The following PHACTR3 variants were observed in gnomAD, a reference collection of about 807,000 sequenced individuals.
PHACTR3 encodes the protein protein phosphatase 1, regulatory subunit 123.
PHACTR3 carries 16 observed loss-of-function variants against 66.8 expected under a neutral mutation model. The ratio of observed to expected loss-of-function variants is 0.24; its 90% CI spans 0.16 to 0.36. PHACTR3 has a LOEUF of 0.36. Among genes scored for constraint, PHACTR3 ranks in the 10% least tolerant of loss-of-function variants. PHACTR3 has a pLI of 1.00. For missense variants in PHACTR3, 647 were observed against 719.9 expected (o/e 0.90, Z 1.16); for synonymous variants, 323 against 292.1 (o/e 1.11, Z -1.08).
At chr20:59,760,233 C>T (rs1246059922) in intron 4 of PHACTR3, among the ~76,000 whole-genome samples, 4 of 152,164 alleles carry the variant, frequency 2.6e-5, no homozygotes, top group Non-Finnish European at 4.4e-5. Flanking sequence ...AGGAGGAGGA[C>T]ACTGTCAATG....
Position 59,841,573 on chromosome 20 carries a change from A to T in PHACTR3, c.1587+38A>T, listed in dbSNP as rs375564655. On this transcript the variant is annotated intron_variant, in intron 11 of 12. Transcript: ENST00000371015. ...CTGTGCTGGTGGGGGGTGTTGGATGATATAATAAAGGCAAAATATGTCATG... is the reference window on the plus strand; with the variant it reads ...CTGTGCTGGTGGGGGGTGTTGGATGTTATAATAAAGGCAAAATATGTCATG... 2,165 of 1,583,840 alleles carry T rather than the reference A, an allele frequency of 1.4e-3. 51 individuals carry two copies. In the South Asian group the frequency reaches 0.024, roughly 17 times the overall value.
rs915227407 is a variant in PHACTR3 at position 59,623,490 on chromosome 20, G to A, written c.118+18358G>A. Among the ~76,000 whole-genome samples the A allele has an allele frequency of 5.3e-5, 8 of 152,304 alleles. No individual in the cohort carries two copies. In the East Asian group the frequency reaches 5.8e-4, roughly 11 times the overall value. ...GCTGTGCACCCGTCTCTCGTCCCAC[G>A]ACAGCTGCTGATGGCTTTCTTGTGT... On this transcript the variant is annotated intron_variant, in intron 1 of 12. Coordinates refer to ENST00000371015, the MANE Select transcript of PHACTR3 (RefSeq NM_080672.5).
At chr20:59,619,221 G>C (rs560683810) in intron 1 of PHACTR3, among the ~76,000 whole-genome samples, 1 of 152,206 alleles carries the variant, frequency 6.6e-6, no homozygotes, top group Admixed American at 6.5e-5. Context: ...ATGCACAGGA[G>C]ACTTTAAGAA....
intron 8 of PHACTR3, among the ~76,000 whole-genome samples, chr20:59,817,252 T>C (rs1205917184): frequency 1.1e-4 from 16 of 152,238 alleles, no homozygotes; most frequent in Admixed American, 3.3e-4. Flanking sequence ...CCATTGCCAA[T>C]TTTGGAGACT....
rs1360027073 is a variant in PHACTR3, at chr20:59,610,494, G to T, written c.118+5362G>T. ...GGTACTCCTGGAGATGATCTCATTT[G>T]TTTATTAGACAAACTTGTTTATGGT... On this transcript the variant is annotated intron_variant, in intron 1 of 12. Transcript: ENST00000371015. 5.3e-5 allele frequency among the ~76,000 whole-genome samples: 8 copies of T among 152,222 alleles called. No individual in the cohort carries two copies. In the East Asian group the frequency reaches 1.5e-3, roughly 29 times the overall value.
At chr20:59,743,290 C>T (rs199698043) in intron 2 of PHACTR3, 22 bp downstream of exon 2, 218 of 1,612,142 alleles carry the variant, frequency 1.4e-4, no homozygotes, top group Non-Finnish European at 1.7e-4. Flanking sequence ...GTGACAGGCG[C>T]GGGCAGGCTG....
At chr20:59,839,513 C>T (rs2059019783) in intron 9 of PHACTR3, among the ~76,000 whole-genome samples, 1 of 152,122 alleles carries the variant, frequency 6.6e-6, no homozygotes, top group Admixed American at 6.6e-5. Flanking sequence ...AATCTCTTTC[C>T]TAGGAATGGA....
At chr20:59,683,076 A>G (rs2036724754) in intron 1 of PHACTR3, among the ~76,000 whole-genome samples, 1 of 152,224 alleles carries the variant, frequency 6.6e-6, no homozygotes, top group Admixed American at 6.5e-5. Context: ...GTGGACGTGG[A>G]CACTTCTAGA....
intron 1 of PHACTR3, among the ~76,000 whole-genome samples, chr20:59,728,428 G>A (rs768375473): frequency 6.6e-6 from 1 of 152,040 alleles, no homozygotes; most frequent in Non-Finnish European, 1.5e-5. Flanking sequence ...CTGAAAACAG[G>A]TATTAGGGGG....
At position 59,750,484 on chromosome 20, in the gene PHACTR3, G is replaced by A. The variant is rs555251672; in HGVS notation, c.358+2649G>A. Reference sequence around the variant, plus strand: ...GGGGAGTGACTTCCAGCCCACAGGAGCAGCAAGCACAAGTCCCCGCGGTGG... The same window carrying A: ...GGGGAGTGACTTCCAGCCCACAGGAACAGCAAGCACAAGTCCCCGCGGTGG... On this transcript the variant is annotated intron_variant, in intron 3 of 12. Transcript: ENST00000371015. Among the ~76,000 whole-genome samples the A allele has an allele frequency of 4.6e-5, 7 of 152,298 alleles. No homozygotes were observed. The East Asian group carries it at 1.4e-3, about 29-fold the overall frequency.
rs1406165636 is a variant in PHACTR3, at chr20:59,735,674, A to G, written c.119-7433A>G. 2.6e-5 allele frequency among the ~76,000 whole-genome samples: 4 copies of G among 152,164 alleles called. No homozygotes were observed. In the East Asian group the frequency reaches 7.7e-4, roughly 29 times the overall value. Reference sequence around the variant, plus strand: ...GCACTCCGGATTCACAGGGTCGAGCAGGTGTTTATTTGGGCAGCCCCTGGG... The same window carrying G: ...GCACTCCGGATTCACAGGGTCGAGCGGGTGTTTATTTGGGCAGCCCCTGGG... On this transcript the variant is annotated intron_variant, in intron 1 of 12. Transcript: ENST00000371015.
At chr20:59,761,148 C>T (rs992660963) in intron 4 of PHACTR3, among the ~76,000 whole-genome samples, 3 of 152,064 alleles carry the variant, frequency 2.0e-5, no homozygotes, top group African/African-American at 7.2e-5. Context: ...CAGATACTGC[C>T]CATGTCTGTG....
At chr20:59,765,712 T>C (rs2040156423) in intron 4 of PHACTR3, among the ~76,000 whole-genome samples, 1 of 152,186 alleles carries the variant, frequency 6.6e-6, no homozygotes, top group Non-Finnish European at 1.5e-5. Flanking sequence ...TTAGGCCTGT[T>C]GTAACACCCC....
intron 7 of PHACTR3, among the ~76,000 whole-genome samples, chr20:59,796,696 T>C (rs555391768): frequency 6.6e-6 from 1 of 152,352 alleles, no homozygotes; most frequent in South Asian, 2.1e-4. Context: ...CTGACAGGTT[T>C]CTGCTGAGAA....
chr20:59,797,538 C>T lies in PHACTR3; in HGVS notation c.1175-8503C>T, dbSNP rs182462361. Among the ~76,000 whole-genome samples, 3 of 152,242 alleles carry T rather than the reference C, an allele frequency of 2.0e-5. No homozygotes were observed. The East Asian group carries it at 5.8e-4, about 29-fold the overall frequency. On this transcript the variant is annotated intron_variant, in intron 7 of 12. Transcript: ENST00000371015. ...CCTAGGGTGTCAGTAGGGTAGAGTA[C>T]ATTGCCCTTTGTTCCAGGTGGGTGC...
At chr20:59,840,845 T>G (rs1172094026) in intron 10 of PHACTR3, among the ~76,000 whole-genome samples, 3 of 152,228 alleles carry the variant, frequency 2.0e-5, no homozygotes, top group African/African-American at 7.2e-5. Context: ...GAAAGCTTTA[T>G]TAGACTCAAA....
intron 12 of PHACTR3, among the ~76,000 whole-genome samples, chr20:59,845,755 G>A (rs1261604718): frequency 2.0e-5 from 3 of 152,142 alleles, no homozygotes; most frequent in Non-Finnish European, 4.4e-5. Context: ...AGTAAGTGCT[G>A]AGAATGCAAT....
intron 1 of PHACTR3, among the ~76,000 whole-genome samples, chr20:59,741,720 C>A (rs2039167770): frequency 6.6e-6 from 1 of 151,902 alleles, no homozygotes; most frequent in African/African-American, 2.4e-5. Flanking sequence ...TCTCCCCCGC[C>A]TGCCAACAGC....
intron 1 of PHACTR3, among the ~76,000 whole-genome samples, chr20:59,730,526 G>T (rs2038726271): frequency 6.6e-6 from 1 of 152,152 alleles, no homozygotes; most frequent in African/African-American, 2.4e-5. Flanking sequence ...AGGCAGGAGT[G>T]GAAGCGGGAA....
Sources: gnomAD v4.1 joint callset for allele counts (sites outside exome capture counted in the v4.1 genomes callset) on GRCh38, gnomAD v4.1.1 for gene constraint, MANE v1.5 for transcripts, NCBI Gene and HGNC (gene_info 2026-07-23, HGNC 2026-07-21) for gene names.